The following PHTF1 variants were observed in gnomAD, a reference collection of about 807,000 sequenced individuals.
The protein encoded by PHTF1 is putative homeodomain transcription factor 1.
PHTF1 carries 88 observed loss-of-function variants against 102.4 expected under a neutral mutation model. The ratio of observed to expected loss-of-function variants is 0.86; its 90% confidence interval spans 0.72 to 1.03. The LOEUF is 1.03. Among genes scored for constraint, PHTF1 ranks in the 50% least tolerant of loss-of-function variants. The pLI is 0.00. For synonymous variants in PHTF1, 289 were observed against 305.2 expected (o/e 0.95, Z 0.55); for missense variants, 814 against 909.5 (o/e 0.89, Z 1.35).
Position 113,712,127 on chromosome 1 carries a change from A to G in PHTF1, c.784-14T>C. 1.9e-6 allele frequency: 3 copies of G among 1,610,234 alleles called. No individual in the cohort carries two copies. Among genetic ancestry groups the G allele is most frequent in the Non-Finnish European group, 2.5e-6 (3 of 1,176,848 alleles). ...CCTAAAAGCCTCCTACAAAGAGAACAGCAATACCTTCACAGGGGACAGCCC... is the reference window on the plus strand; with the variant it reads ...CCTAAAAGCCTCCTACAAAGAGAACGGCAATACCTTCACAGGGGACAGCCC... On this transcript the variant is annotated splice_polypyrimidine_tract_variant and intron_variant, in intron 8 of 18. Coordinates refer to ENST00000369604, the MANE Select transcript of PHTF1 (RefSeq NM_001323043.2).
At chr1:113,736,119 G>A (rs1404924026) in intron 5 of PHTF1, among the ~76,000 whole-genome samples, 2 of 151,992 alleles carry the variant, frequency 1.3e-5, no homozygotes, top group Non-Finnish European at 1.5e-5. Context: ...GAGGCGGGCG[G>A]ATAGCAAGGT....
In PHTF1 at chr1:113,710,410, GCTTT is replaced by G; in HGVS notation, c.1109_1112del (p.Glu370AlafsTer35). 1 of 1,614,036 alleles carries G rather than the reference GCTTT, an allele frequency of 6.2e-7. No homozygotes were observed. The highest frequency in any genetic ancestry group is 8.5e-7 in the Non-Finnish European group (1 of 1,179,984). On this transcript the variant is annotated frameshift_variant, in exon 11 of 19. Transcript: ENST00000369604. LOFTEE classifies it high-confidence loss of function. Reference sequence around the variant, plus strand: ...CCTCAGTCTCCGAGTCATGGCGGGTGCTTTCTGAGTCTCTTCTTGACATGTTGAG... The same window carrying G: ...CCTCAGTCTCCGAGTCATGGCGGGTGCTGAGTCTCTTCTTGACATGTTGAG...
intron 3 of PHTF1, among the ~76,000 whole-genome samples, chr1:113,756,272 T>C (rs917031922): frequency 6.6e-6 from 1 of 152,186 alleles, no homozygotes; most frequent in African/African-American, 2.4e-5. Flanking sequence ...ATCTGGAGAC[T>C]TATTCATCCT....
intron 18 of PHTF1, 72 bp downstream of exon 18, chr1:113,698,186 CACGT>C (rs898882246): frequency 4.1e-6 from 3 of 740,052 alleles, no homozygotes; most frequent in African/African-American, 4.1e-5. Flanking sequence ...CACACACACA[CACGT>C]GTGAAGAACA....
At chr1:113,710,124 A>G (rs771456927) in intron 11 of PHTF1, 130 bp downstream of exon 11, 1 of 686,372 alleles carries the variant, frequency 1.5e-6, no homozygotes, top group Non-Finnish European at 2.5e-6. Flanking sequence ...CAGTTTCCTC[A>G]CCTCTAAACT....
intron 3 of PHTF1, among the ~76,000 whole-genome samples, chr1:113,745,434 T>C (rs759029137): frequency 6.6e-6 from 1 of 151,174 alleles, no homozygotes; most frequent in Non-Finnish European, 1.5e-5. Flanking sequence ...TAATCAGGAG[T>C]GGACAAAATT....
chr1:113,722,957 A>C (rs1040154810), intron 7 of PHTF1, among the ~76,000 whole-genome samples: 10 of 147,958 alleles, frequency 6.8e-5, no homozygotes, highest in African/African-American at 2.5e-4. Context: ...TAAATAAATA[A>C]ATAAATAAAA....
At position 113,710,273 on chromosome 1, in the gene PHTF1, T is replaced by G. The variant is rs1429418550; in HGVS notation, c.1250A>C (p.Lys417Thr). The change falls in exon 11 of 19, where the codon AAA (lysine) becomes ACA (threonine). Residue 417 changes from lysine to threonine, a missense_variant. Coordinates refer to ENST00000369604, the MANE Select transcript of PHTF1 (RefSeq NM_001323043.2). Reference sequence around the variant, plus strand: ...ACAGACCTGCTGAAAAACATCCTCTTTGGGGTCACGTTTGGTCCCTGAGTG... The same window carrying G: ...ACAGACCTGCTGAAAAACATCCTCTGTGGGGTCACGTTTGGTCCCTGAGTG... ...TLHSGTKRDPKEDVFQQNHLF... is the reference protein window; with the variant it reads ...TLHSGTKRDPTEDVFQQNHLF... 2 of 1,613,176 alleles carry G rather than the reference T, an allele frequency of 1.2e-6. No individual in the cohort carries two copies. The highest frequency in any genetic ancestry group is 1.8e-4 in the Middle Eastern group (1 of 5,516).
In PHTF1 at chr1:113,740,777, C is replaced by A. The variant is rs188348282; in HGVS notation, c.103-1978G>T. Among the ~76,000 whole-genome samples the A allele has an allele frequency of 6.5e-3, 991 of 152,206 alleles. 4 individuals carry two copies. The highest frequency in any genetic ancestry group is 9.5e-3 in the Non-Finnish European group (646 of 68,000). ...AGGTGCAGTGGCTCACCCCTATAAT[C>A]CCAGCACTTTGGGAGGGGCCAAGGT... On this transcript the variant is annotated intron_variant, in intron 3 of 18. Transcript: ENST00000369604.
intron 11 of PHTF1, among the ~76,000 whole-genome samples, 170 bp from the exon 12 acceptor site, chr1:113,706,892 A>C (rs1304401237): frequency 4.6e-5 from 5 of 109,234 alleles, no homozygotes; most frequent in Admixed American, 1.3e-4. Context: ...GGGTATCACT[A>C]TGTTGCCCAG....
At chr1:113,716,774 G>T (rs541060087) in intron 7 of PHTF1, among the ~76,000 whole-genome samples, 2 of 152,196 alleles carry the variant, frequency 1.3e-5, no homozygotes, top group East Asian at 1.9e-4. Context: ...AAAGCTGAAG[G>T]ATTTCATCAA....
At chr1:113,708,384 C>G (rs1022735678) in intron 11 of PHTF1, among the ~76,000 whole-genome samples, 2 of 152,132 alleles carry the variant, frequency 1.3e-5, no homozygotes, top group African/African-American at 2.4e-5. Flanking sequence ...CCAGTACTTT[C>G]GGAGGCCGAG....
intron 4 of PHTF1, 96 bp from the exon 5 acceptor site, chr1:113,738,364 T>G: frequency 1.2e-6 from 1 of 868,204 alleles, no homozygotes. Flanking sequence ...AGTGCAAAAA[T>G]CAGCACAAAA....
intron 10 of PHTF1, among the ~76,000 whole-genome samples, chr1:113,710,815 T>A (rs868366621): frequency 0.014 from 2,058 of 142,518 alleles, 53 homozygotes; most frequent in African/African-American, 0.051. Context: ...TATATATTTT[T>A]TTTTTTTTTT....
upstream of PHTF1, chr1:113,759,512 C>T (rs1222807274): frequency 6.6e-6 from 1 of 152,324 alleles, no homozygotes; most frequent in Non-Finnish European, 1.5e-5. Flanking sequence ...GCCGCTCAGC[C>T]GACCACCGGG....
Position 113,757,732 on chromosome 1 carries a change from T to C in PHTF1, c.69A>G (p.Ile23Met), listed in dbSNP as rs199586937. ...GAGTCTGTTCGATTGACTTTTCCCA[T>C]ATCTGCTGATCGTAGGCTCCAATCT... ...QKKIGAYDQQIWEKSIEQTQI... is the reference protein window; with the variant it reads ...QKKIGAYDQQMWEKSIEQTQI... The change falls in exon 3 of 19, where the codon ATA (isoleucine) becomes ATG (methionine). Residue 23 changes from isoleucine (I) to methionine (M), a missense_variant. Coordinates refer to ENST00000369604, the MANE Select transcript of PHTF1 (RefSeq NM_001323043.2). 1.9e-6 allele frequency: 3 copies of C among 1,607,942 alleles called. No individual in the cohort carries two copies. The highest frequency in any genetic ancestry group is 2.6e-6 in the Non-Finnish European group (3 of 1,174,368).
chr1:113,710,181 T>G, intron 11 of PHTF1, 73 bp downstream of exon 11: 22 of 1,076,298 alleles, frequency 2.0e-5, no homozygotes, highest in Non-Finnish European at 2.8e-5. Context: ...TAAAGTTAAA[T>G]GAGATGACAG....
At position 113,696,982 on chromosome 1, in the gene PHTF1, G is replaced by A. The variant is rs1026923297; in HGVS notation, c.*723C>T. On this transcript the variant is annotated 3_prime_UTR_variant, in exon 19 of 19. Transcript: ENST00000369604. ...TGCTTCCATGGCTTCCACATAGAAC[G>A]TGGAAACCATGTTGTATGATGGAAA... 17 of 152,318 alleles carry A rather than the reference G, an allele frequency of 1.1e-4. No individual in the cohort carries two copies. Among genetic ancestry groups the A allele is most frequent in the African/African-American group, 4.1e-4 (17 of 41,556 alleles). The allele number at this position is 152,318 out of a possible 1,614,324, so 9.4% of individuals were successfully genotyped here. A position where few individuals can be genotyped will look rare whatever the true frequency, so the allele number is the denominator to read the frequency against.
intron 11 of PHTF1, 129 bp from the exon 12 acceptor site, chr1:113,706,851 C>CTTTTTTTTTTTT (rs11363653): frequency 8.0e-4 from 174 of 217,582 alleles, no homozygotes; most frequent in Admixed American, 1.3e-3. Context: ...TTCTTTCTTT[C>CTTTTTTTTTTTT]TTTTTTTTTT....
Sources: gnomAD v4.1 joint callset for allele counts (sites outside exome capture counted in the v4.1 genomes callset) on GRCh38, gnomAD v4.1.1 for gene constraint, MANE v1.5 for transcripts, NCBI Gene and HGNC (gene_info 2026-07-23, HGNC 2026-07-21) for gene names.